PCDH7: variants seen among roughly 807,000 people sequenced by gnomAD.
PCDH7 encodes protocadherin 7, also known as protocadherin-7.
In PCDH7, 17 loss-of-function variants were observed where a neutral mutation model predicts 58.9. The ratio of observed to expected loss-of-function variants is 0.29; its 90% CI spans 0.20 to 0.43. The LOEUF (loss-of-function observed/expected upper bound fraction) is 0.43, where lower values mean the gene tolerates loss of function less well. Ranked by LOEUF, PCDH7 falls within the 20% of genes least tolerant of loss-of-function variation. PCDH7 has a pLI of 1.00. For synonymous variants in PCDH7, 664 were observed against 616.4 expected (o/e 1.08, Z -1.14); for missense variants, 1,274 against 1,441.0 (o/e 0.88, Z 1.88).
intron 3 of PCDH7, among the ~76,000 whole-genome samples, chr4:30,976,603 G>A (rs569944285): frequency 2.7e-5 from 4 of 150,794 alleles, no homozygotes; most frequent in South Asian, 2.1e-4. Flanking sequence ...GTTTCACCAT[G>A]TTGACCAGGC....
At chr4:31,133,793 C>G (rs1719266668) in intron 3 of PCDH7, among the ~76,000 whole-genome samples, 1 of 152,156 alleles carries the variant, frequency 6.6e-6, no homozygotes, top group Non-Finnish European at 1.5e-5. Context: ...ATGTGGCGTA[C>G]AGAATCTCCA....
intron 1 of PCDH7, among the ~76,000 whole-genome samples, chr4:30,884,080 G>A (rs1398348699): frequency 1.3e-5 from 2 of 152,016 alleles, no homozygotes; most frequent in South Asian, 4.2e-4. Flanking sequence ...TATTAAATAA[G>A]GAGGCTTCCT....
intron 3 of PCDH7, among the ~76,000 whole-genome samples, chr4:30,976,184 T>C (rs758730344): frequency 4.7e-4 from 71 of 152,120 alleles, no homozygotes; most frequent in Non-Finnish European, 9.3e-4. Context: ...AGAGTTTCGC[T>C]CTTGTTGCCC....
chr4:30,742,683 G>A (rs1717235800), intron 1 of PCDH7, among the ~76,000 whole-genome samples: 1 of 152,078 alleles, frequency 6.6e-6, no homozygotes, highest in African/African-American at 2.4e-5. Context: ...AGAGTTGACA[G>A]GTGTGATGCC....
At chr4:30,934,602 G>A (rs1387673370) in intron 2 of PCDH7, among the ~76,000 whole-genome samples, 1 of 151,794 alleles carries the variant, frequency 6.6e-6, no homozygotes, top group Non-Finnish European at 1.5e-5. Context: ...ACCATCTCAT[G>A]CACAGTTTCT....
At chr4:30,725,011 T>G (rs1714410100) in intron 1 of PCDH7, 1 of 1,011,776 alleles carries the variant, frequency 9.9e-7, no homozygotes, top group Non-Finnish European at 1.2e-6. Flanking sequence ...AAGTTACTAC[T>G]GGTGTCTATG....
rs757187910 is a variant in PCDH7, at chr4:31,142,791, CAG to C, written c.*327_*328del. The C allele has an allele frequency of 8.0e-6, 11 of 1,366,808 alleles. No individual in the cohort carries two copies. The East Asian group carries it at 4.1e-4, about 51-fold the overall frequency. 84.7% of individuals were successfully genotyped at this position (1,366,808 alleles called of 1,614,324 possible). A position where few individuals can be genotyped will look rare whatever the true frequency, so the allele number is the denominator to read the frequency against. On this transcript the variant is annotated 3_prime_UTR_variant, in exon 4 of 4. Coordinates refer to the PCDH7 transcript ENST00000509759. ...CCTGAGGATATTCCCCTTACAAAAA[CAG>C]GGGAATATAAGCCATCTCCTGTCAA...
intron 1 of PCDH7, among the ~76,000 whole-genome samples, chr4:30,761,505 TTAA>T (rs1448502988): frequency 2.0e-5 from 3 of 152,108 alleles, no homozygotes; most frequent in African/African-American, 4.8e-5. Context: ...TGTAAAATTA[TTAA>T]TGAGATATTT....
chr4:30,888,832 G>T (rs1181423844), intron 1 of PCDH7, among the ~76,000 whole-genome samples: 1 of 152,000 alleles, frequency 6.6e-6, no homozygotes, highest in African/African-American at 2.4e-5. Context: ...TATTTTATTG[G>T]ATTTTGGATA....
chr4:30,795,268 A>T lies in PCDH7; in HGVS notation c.70+70672A>T, dbSNP rs557937853. Among the ~76,000 whole-genome samples the T allele has an allele frequency of 2.6e-4, 40 of 152,226 alleles. 1 individual carries two copies. The Middle Eastern group carries it at 0.017, about 65-fold the overall frequency. ...GTAGCTGGAATTACAGTCAAATCCC[A>T]CCTTACCCAGCTCTCTTATGTGTTT... On this transcript the variant is annotated intron_variant, in intron 1 of 3. Coordinates refer to the PCDH7 transcript ENST00000509759.
At chr4:30,766,703 C>A (rs1466215781) in intron 1 of PCDH7, among the ~76,000 whole-genome samples, 1 of 150,418 alleles carries the variant, frequency 6.6e-6, no homozygotes, top group Non-Finnish European at 1.5e-5. Flanking sequence ...AGACAGTGTC[C>A]CATTTATATT....
chr4:31,020,584 A>T (rs1307803493), intron 3 of PCDH7, among the ~76,000 whole-genome samples: 1 of 152,216 alleles, frequency 6.6e-6, no homozygotes, highest in Non-Finnish European at 1.5e-5. Flanking sequence ...GGCTTCCAGA[A>T]CAAAGAAAAC....
At chr4:30,979,381 G>A (rs946948997) in intron 3 of PCDH7, among the ~76,000 whole-genome samples, 3 of 150,858 alleles carry the variant, frequency 2.0e-5, no homozygotes, top group Non-Finnish European at 2.9e-5. Flanking sequence ...TGAAATTGAA[G>A]CTGAAGCTTT....
At chr4:30,866,226 G>A (rs1345748186) in intron 1 of PCDH7, among the ~76,000 whole-genome samples, 1 of 151,966 alleles carries the variant, frequency 6.6e-6, no homozygotes, top group Non-Finnish European at 1.5e-5. Context: ...TTATTTACAT[G>A]TTGGTAATGA....
intron 3 of PCDH7, among the ~76,000 whole-genome samples, chr4:31,084,583 G>T (rs1230743233): frequency 3.3e-5 from 5 of 149,374 alleles, no homozygotes; most frequent in Admixed American, 2.7e-4. Flanking sequence ...GGGCTCAGGG[G>T]GCTTATAGGG....
chr4:30,863,592 G>T (rs556559045), intron 1 of PCDH7, among the ~76,000 whole-genome samples: 1 of 152,072 alleles, frequency 6.6e-6, no homozygotes, highest in Non-Finnish European at 1.5e-5. Flanking sequence ...GCCTCCTGAC[G>T]TATCTTACAG....
intron 1 of PCDH7, among the ~76,000 whole-genome samples, chr4:30,896,889 C>CTTTTTTTTGTTTTTTTTT (rs1739470941): frequency 3.7e-5 from 1 of 27,338 alleles, no homozygotes; most frequent in Non-Finnish European, 6.2e-5. Flanking sequence ...TAGTTCTTTG[C>CTTTTTTTTGTTTTTTTTT]TTTTTTTTTT....
intron 1 of PCDH7, chr4:30,884,981 A>G (rs907869341): frequency 2.0e-5 from 3 of 152,200 alleles, no homozygotes; most frequent in Non-Finnish European, 2.9e-5. Context: ...TCATGTAAGA[A>G]TAAAACGTAA....
intron 3 of PCDH7, among the ~76,000 whole-genome samples, chr4:31,055,364 A>G (rs1757068325): frequency 6.6e-6 from 1 of 151,962 alleles, no homozygotes; most frequent in African/African-American, 2.4e-5. Context: ...ACGAATTTCT[A>G]CTCCCTTAGG....
Sources: allele counts gnomAD v4.1 joint callset (sites outside exome capture counted in the v4.1 genomes callset), GRCh38; gene constraint gnomAD v4.1.1; transcripts MANE v1.5; gene names NCBI Gene and HGNC (gene_info 2026-07-23, HGNC 2026-07-21).